The following ARHGAP25 variants were observed in gnomAD, a reference collection of about 807,000 sequenced individuals.
ARHGAP25 encodes Rho GTPase activating protein 25, also known as rho GTPase-activating protein 25.
ARHGAP25 carries 34 observed loss-of-function variants against 71.0 expected under a neutral mutation model. The observed-to-expected ratio is 0.48, with a 90% CI of 0.36 to 0.64. The LOEUF (loss-of-function observed/expected upper bound fraction) is 0.64, where lower values mean the gene tolerates loss of function less well. ARHGAP25 is among the 30% of genes least tolerant of loss of function. The pLI, the probability that ARHGAP25 is intolerant of heterozygous loss-of-function variation, is 0.00. For missense variants in ARHGAP25, 706 were observed against 805.1 expected (o/e 0.88, Z 1.49); for synonymous variants, 282 against 296.5 (o/e 0.95, Z 0.50).
chr2:68,732,506 G>A (rs1482539589), upstream of ARHGAP25, among the ~76,000 whole-genome samples: 2 of 152,250 alleles, frequency 1.3e-5, no homozygotes, highest in Non-Finnish European at 2.9e-5. Context: ...AGTGGTGTTT[G>A]GGTCAGGCAG....
At chr2:68,771,012 C>T (rs769621565) in intron 1 of ARHGAP25, among the ~76,000 whole-genome samples, 6 of 143,426 alleles carry the variant, frequency 4.2e-5, no homozygotes, top group African/African-American at 9.0e-5. Flanking sequence ...ACTGTAGCCA[C>T]GAAACACACA....
chr2:68,755,502 C>T (rs999886481), intron 1 of ARHGAP25, among the ~76,000 whole-genome samples: 15 of 152,116 alleles, frequency 9.9e-5, no homozygotes, highest in African/African-American at 2.7e-4. Flanking sequence ...GAAAACTCAC[C>T]GCCCGCCAAT....
At chr2:68,790,915 G>T (rs1679129928) in intron 4 of ARHGAP25, among the ~76,000 whole-genome samples, 1 of 152,074 alleles carries the variant, frequency 6.6e-6, no homozygotes, top group African/African-American at 2.4e-5. Context: ...CTCCCCTCCC[G>T]CATTTCCCTT....
At chr2:68,726,044 G>A (rs1674875794) in intron 2 of ARHGAP25, among the ~76,000 whole-genome samples, 1 of 152,022 alleles carries the variant, frequency 6.6e-6, no homozygotes. Flanking sequence ...CCTTCCCGTA[G>A]CACTTTTTCT....
Position 68,822,575 on chromosome 2 carries a change from C to G in ARHGAP25, c.1436C>G (p.Ala479Gly). 1 of 1,614,212 alleles carries G rather than the reference C, an allele frequency of 6.2e-7. No individual in the cohort carries two copies. The highest frequency in any genetic ancestry group is 8.5e-7 in the Non-Finnish European group (1 of 1,180,056). The part of the protein sequence containing the change: ...EFWSPSSEAK[A>G]GEGHRRTMSQ... Reference sequence around the variant, plus strand: ...TGGTCGCCTTCCTCAGAGGCTAAGGCAGGGGAAGGGCACAGGAGAACGATG... The same window carrying G: ...TGGTCGCCTTCCTCAGAGGCTAAGGGAGGGGAAGGGCACAGGAGAACGATG... Residue 479 changes from alanine to glycine, a missense_variant, in exon 10 of 11, where the codon GCA (alanine) becomes GGA (glycine). Ala to Gly is a moderately conservative substitution (Grantham distance 60). Transcript: ENST00000409202.
intron 2 of ARHGAP25, among the ~76,000 whole-genome samples, chr2:68,713,599 C>T (rs1674539120): frequency 6.6e-6 from 1 of 152,154 alleles, no homozygotes; most frequent in Non-Finnish European, 1.5e-5. Context: ...ATGCTTCTAG[C>T]TTTTGCCCAT....
upstream of ARHGAP25, among the ~76,000 whole-genome samples, chr2:68,730,441 T>G (rs1053487181): frequency 2.6e-5 from 4 of 152,138 alleles, no homozygotes; most frequent in African/African-American, 9.6e-5. Flanking sequence ...CCCAGGAGCT[T>G]GAGACCAGCC....
intron 2 of ARHGAP25, among the ~76,000 whole-genome samples, chr2:68,780,194 A>G (rs1304471164): frequency 6.6e-6 from 1 of 152,260 alleles, no homozygotes; most frequent in Non-Finnish European, 1.5e-5. Context: ...GGCAATTAGC[A>G]TAGAGTCAGA....
chr2:68,779,399 T>C (rs896228332), intron 2 of ARHGAP25, among the ~76,000 whole-genome samples: 1 of 152,212 alleles, frequency 6.6e-6, no homozygotes. Context: ...CAGAAAGGTG[T>C]ACAATTTAAG....
chr2:68,719,560 T>C (rs569094919), intron 2 of ARHGAP25, among the ~76,000 whole-genome samples: 1 of 151,834 alleles, frequency 6.6e-6, no homozygotes, highest in Non-Finnish European at 1.5e-5. Flanking sequence ...TCTATATACA[T>C]GTAAAGGAAC....
At chr2:68,806,166 A>C (rs1191759243) in intron 4 of ARHGAP25, among the ~76,000 whole-genome samples, 1 of 152,222 alleles carries the variant, frequency 6.6e-6, no homozygotes, top group Non-Finnish European at 1.5e-5. Flanking sequence ...CTCTTGACCC[A>C]GTAATTCTAC....
chr2:68,804,473 G>A (rs749891920), intron 4 of ARHGAP25, among the ~76,000 whole-genome samples: 1 of 152,204 alleles, frequency 6.6e-6, no homozygotes, highest in Non-Finnish European at 1.5e-5. Context: ...GAAAAGATCT[G>A]TCCAGCTCCT....
At chr2:68,739,468 A>C (rs1380602602) in intron 1 of ARHGAP25, among the ~76,000 whole-genome samples, 2 of 152,200 alleles carry the variant, frequency 1.3e-5, no homozygotes, top group Non-Finnish European at 2.9e-5. Flanking sequence ...GATCCTTTTG[A>C]GTAAGGCCCA....
At chr2:68,737,631 G>C (rs1179117510) in intron 1 of ARHGAP25, among the ~76,000 whole-genome samples, 2 of 152,080 alleles carry the variant, frequency 1.3e-5, no homozygotes, top group East Asian at 1.9e-4. Flanking sequence ...TCACCAAAAG[G>C]GTGGAATATA....
chr2:68,793,052 TG>T (rs1679301352), intron 4 of ARHGAP25, among the ~76,000 whole-genome samples: 1 of 152,234 alleles, frequency 6.6e-6, no homozygotes, highest in Non-Finnish European at 1.5e-5. Context: ...TTCATATGCA[TG>T]TTTGTCATTT....
At chr2:68,736,506 G>T (rs1675227746) in intron 1 of ARHGAP25, among the ~76,000 whole-genome samples, 1 of 152,098 alleles carries the variant, frequency 6.6e-6, no homozygotes, top group Non-Finnish European at 1.5e-5. Flanking sequence ...ACATAAATAA[G>T]GTCATTCTGC....
At chr2:68,824,708 C>CTCCA (rs1681981053) in intron 10 of ARHGAP25, among the ~76,000 whole-genome samples, 2 of 151,954 alleles carry the variant, frequency 1.3e-5, no homozygotes, top group Non-Finnish European at 2.9e-5. Context: ...TGCCACTGCA[C>CTCCA]TCCAGCCTGG....
intron 1 of ARHGAP25, among the ~76,000 whole-genome samples, chr2:68,751,221 G>A (rs576659773): frequency 6.6e-6 from 1 of 152,170 alleles, no homozygotes; most frequent in Admixed American, 6.5e-5. Flanking sequence ...CACTCACCCA[G>A]CCAATGGGGG....
intron 2 of ARHGAP25, among the ~76,000 whole-genome samples, chr2:68,718,698 T>C (rs1405837632): frequency 1.3e-5 from 2 of 152,172 alleles, no homozygotes; most frequent in Admixed American, 6.5e-5. Flanking sequence ...GTGGTACGGG[T>C]ACTAGCAGCA....
Sources: allele counts gnomAD v4.1 joint callset (sites outside exome capture counted in the v4.1 genomes callset), GRCh38; gene constraint gnomAD v4.1.1; transcripts MANE v1.5; gene names NCBI Gene and HGNC (gene_info 2026-07-23, HGNC 2026-07-21).